The following C9 variants were observed in gnomAD, a reference collection of about 807,000 sequenced individuals.
The protein encoded by C9 is complement C9, also known as complement component C9.
A neutral mutation model predicts 65.4 loss-of-function variants in C9; 63 were observed. The observed-to-expected ratio is 0.96, with a 90% CI of 0.79 to 1.19. C9 has a LOEUF of 1.19. Ranked by LOEUF, C9 falls within the 50% of genes most tolerant of loss-of-function variation. C9 has a pLI of 0.00. For synonymous variants in C9, 229 were observed against 227.9 expected (o/e 1.00, Z -0.04); for missense variants, 744 against 670.1 (o/e 1.11, Z -1.22).
At chr5:39,292,646 T>C in intron 9 of C9, among the ~76,000 whole-genome samples, 1 of 151,782 alleles carries the variant, frequency 6.6e-6, no homozygotes. Context: ...TGTCGCATTG[T>C]AGTATGAGTT....
intron 1 of C9, among the ~76,000 whole-genome samples, chr5:39,351,356 C>T (rs979955150): frequency 3.9e-5 from 6 of 152,180 alleles, no homozygotes; most frequent in African/African-American, 1.4e-4. Context: ...ACATTTGGCT[C>T]CTCTTTATTT....
chr5:39,315,679 C>G, intron 6 of C9, 96 bp downstream of exon 6: 1 of 927,468 alleles, frequency 1.1e-6, no homozygotes, highest in Non-Finnish European at 1.6e-6. Flanking sequence ...ATCCATGTTT[C>G]TTTTCCTTTT....
At chr5:39,305,807 C>A (rs1485123345) in intron 9 of C9, among the ~76,000 whole-genome samples, 1 of 151,960 alleles carries the variant, frequency 6.6e-6, no homozygotes, top group South Asian at 2.1e-4. Flanking sequence ...AATCTACTGA[C>A]CATAAGAATT....
intron 5 of C9, among the ~76,000 whole-genome samples, chr5:39,316,756 G>A (rs549452405): frequency 2.6e-5 from 4 of 152,152 alleles, no homozygotes; most frequent in African/African-American, 4.8e-5. Context: ...ATTGATGGGC[G>A]TTTGGGTTGA....
chr5:39,284,926 G>A lies in C9; in HGVS notation c.*273C>T. On this transcript the variant is annotated 3_prime_UTR_variant, in exon 11 of 11. Transcript: ENST00000263408. ...TTTAATTTAATTTTGTTTTTTTTTA[G>A]AAGAGATTGGCATTTTCCGTGGGAT... 1 of 419,156 alleles carries A rather than the reference G, an allele frequency of 2.4e-6. No homozygotes were observed. Among genetic ancestry groups the A allele is most frequent in the South Asian group, 4.3e-5 (1 of 23,144 alleles). The allele number at this position is 419,156 out of a possible 1,614,324, so 26.0% of individuals were successfully genotyped here. A position where few individuals can be genotyped will look rare whatever the true frequency, so the allele number is the denominator to read the frequency against.
At chr5:39,309,456 A>G in intron 7 of C9, among the ~76,000 whole-genome samples, 1 of 152,150 alleles carries the variant, frequency 6.6e-6, no homozygotes, top group Non-Finnish European at 1.5e-5. Context: ...TGCACCCACA[A>G]TTAGTGAGAA....
At chr5:39,286,303 T>A (rs1199792584) in intron 10 of C9, among the ~76,000 whole-genome samples, 1 of 151,964 alleles carries the variant, frequency 6.6e-6, no homozygotes, top group Non-Finnish European at 1.5e-5. Flanking sequence ...TAATAAAAAA[T>A]CACTAAGTAC....
intron 1 of C9, among the ~76,000 whole-genome samples, chr5:39,356,913 TTG>T (rs1225687840): frequency 2.0e-5 from 3 of 152,228 alleles, no homozygotes; most frequent in Non-Finnish European, 2.9e-5. Context: ...GGAGAAGTAT[TTG>T]TAAAGCACTT....
intron 1 of C9, among the ~76,000 whole-genome samples, chr5:39,358,435 A>G (rs1359064214): frequency 3.3e-5 from 5 of 152,112 alleles, no homozygotes; most frequent in Admixed American, 3.3e-4. Flanking sequence ...GGGAACAGGG[A>G]AGGGTGCAGC....
At chr5:39,354,136 C>T (rs1230251954) in intron 1 of C9, among the ~76,000 whole-genome samples, 5 of 152,156 alleles carry the variant, frequency 3.3e-5, no homozygotes, top group African/African-American at 4.8e-5. Context: ...GATGCCAAAA[C>T]GTCTAGAAGA....
chr5:39,305,776 T>C (rs1753362671), intron 9 of C9, among the ~76,000 whole-genome samples: 1 of 151,940 alleles, frequency 6.6e-6, no homozygotes, highest in African/African-American at 2.4e-5. Context: ...ACTATTATAA[T>C]CAAGATAGAA....
At chr5:39,299,114 A>G (rs1227819791) in intron 9 of C9, among the ~76,000 whole-genome samples, 1 of 151,992 alleles carries the variant, frequency 6.6e-6, no homozygotes, top group African/African-American at 2.4e-5. Flanking sequence ...TATTAGATGC[A>G]TTAGACAATG....
Position 39,342,129 on chromosome 5 carries a change from T to C in C9, c.145A>G (p.Ser49Gly), listed in dbSNP as rs762468989. 1.9e-6 allele frequency: 3 copies of C among 1,609,742 alleles called. No individual in the cohort carries two copies. Among genetic ancestry groups the C allele is most frequent in the Admixed American group, 3.3e-5 (2 of 60,020 alleles). The change falls in exon 2 of 11, where the codon AGT becomes GGT. Residue 49 changes from serine (S) to glycine (G), a missense_variant. Ser to Gly is a moderately conservative substitution (Grantham distance 56). Coordinates refer to ENST00000263408, the MANE Select transcript of C9 (RefSeq NM_001737.5). ...SHIDCRMSPW[S>G]EWSQCDPCLR... is the part of the protein sequence containing the mutation. ...CAAGGATCGCATTGTGACCATTCAC[T>C]CCAGGGGCTCATTCTGCAGTCTATG...
rs761140247 is a variant in C9, at chr5:39,303,718, G to T, written c.1416+2899C>A. On this transcript the variant is annotated intron_variant, in intron 9 of 10. Coordinates refer to ENST00000263408, the MANE Select transcript of C9 (RefSeq NM_001737.5). ...AGAAAAAAATCAATTCTCAGCTGGG[G>T]TCACTGTCTGCATAGGGATTTTGAC... 2.6e-5 allele frequency among the ~76,000 whole-genome samples: 4 copies of T among 151,958 alleles called. No individual in the cohort carries two copies. In the East Asian group the frequency reaches 5.8e-4, roughly 22 times the overall value.
chr5:39,340,062 A>G (rs1754046760), intron 4 of C9, among the ~76,000 whole-genome samples: 1 of 151,948 alleles, frequency 6.6e-6, no homozygotes, highest in South Asian at 2.1e-4. Flanking sequence ...TCCTCTCCTC[A>G]TCTCCATACC....
chr5:39,304,014 T>A (rs1178580402), intron 9 of C9, among the ~76,000 whole-genome samples: 1 of 152,198 alleles, frequency 6.6e-6, no homozygotes, highest in African/African-American at 2.4e-5. Context: ...AATGTGTGAA[T>A]AGCTTACATA....
At chr5:39,339,804 C>T (rs1754040143) in intron 4 of C9, among the ~76,000 whole-genome samples, 1 of 151,908 alleles carries the variant, frequency 6.6e-6, no homozygotes, top group Non-Finnish European at 1.5e-5. Context: ...GGACTACAGG[C>T]ACCCACCACC....
intron 1 of C9, among the ~76,000 whole-genome samples, chr5:39,352,271 C>T (rs932630058): frequency 1.3e-5 from 2 of 152,216 alleles, no homozygotes; most frequent in African/African-American, 4.8e-5. Context: ...TACAATTTGA[C>T]ATGAGATTTG....
At chr5:39,332,999 G>A (rs1753872414) in intron 4 of C9, among the ~76,000 whole-genome samples, 1 of 152,078 alleles carries the variant, frequency 6.6e-6, no homozygotes, top group African/African-American at 2.4e-5. Context: ...CTTCCTCAAG[G>A]CTGACATATA....
Sources: allele counts gnomAD v4.1 joint callset (sites outside exome capture counted in the v4.1 genomes callset), GRCh38; gene constraint gnomAD v4.1.1; transcripts MANE v1.5; gene names NCBI Gene and HGNC (gene_info 2026-07-23, HGNC 2026-07-21).